The following BOLL variants were observed in gnomAD, a reference collection of about 807,000 sequenced individuals.
BOLL encodes boule RNA binding protein, also known as protein boule-like.
A neutral mutation model predicts 44.4 loss-of-function variants in BOLL; 23 were observed. The ratio of observed to expected loss-of-function variants is 0.52; its 90% CI spans 0.37 to 0.73. BOLL has a LOEUF of 0.73. Ranked by LOEUF, BOLL falls within the 30% of genes least tolerant of loss-of-function variation. The pLI, the probability that BOLL is intolerant of heterozygous loss-of-function variation, is 0.00. For missense variants in BOLL, 287 were observed against 338.3 expected, an observed-to-expected ratio of 0.85 and a Z score of 1.19; for synonymous variants, 97 against 110.8, an observed-to-expected ratio of 0.88 and a Z score of 0.78.
chr2:197,785,876 G>C (rs550287907), upstream of BOLL: 1 of 950,086 alleles, frequency 1.1e-6, no homozygotes, highest in Non-Finnish European at 1.7e-6. The surrounding 1 kb of genome is among the most constrained non-coding windows in gnomAD (Gnocchi z 6.7). Flanking sequence ...ACCAGATAGC[G>C]AGCGTTTGGG....
In BOLL at chr2:197,754,280, TATA is replaced by T. The variant is rs1688400154; in HGVS notation, c.729+2145_729+2147del. Among the ~76,000 whole-genome samples, 4 of 151,776 alleles carry T rather than the reference TATA, an allele frequency of 2.6e-5. No individual in the cohort carries two copies. The East Asian group carries it at 7.7e-4, about 29-fold the overall frequency. ...TGCATATGTATCCCAGAATGTAAAGTATAATAAAAAAAAATGGTCCTGGGAAAA... is the reference window on the plus strand; with the variant it reads ...TGCATATGTATCCCAGAATGTAAAGTATAAAAAAAAATGGTCCTGGGAAAA... On this transcript the variant is annotated intron_variant, in intron 9 of 10. Transcript: ENST00000392296.
intron 1 of BOLL, among the ~76,000 whole-genome samples, chr2:197,783,503 G>T (rs956431961): frequency 6.6e-6 from 1 of 152,140 alleles, no homozygotes; most frequent in Admixed American, 6.5e-5. Context: ...TGGCAATTGG[G>T]CTATAGGCTG....
chr2:197,744,832 A>T (rs1016318418), intron 9 of BOLL, among the ~76,000 whole-genome samples: 1 of 152,230 alleles, frequency 6.6e-6, no homozygotes, highest in Non-Finnish European at 1.5e-5. Context: ...AGGGTTAAGC[A>T]ATTCCTCAAA....
Position 197,759,055 on chromosome 2 carries a change from A to G in BOLL, c.553-1655T>C, listed in dbSNP as rs563767555. The G allele has an allele frequency of 2.5e-4, 354 of 1,428,282 alleles. No individual in the cohort carries two copies. The African/African-American group carries it at 4.8e-3, about 19-fold the overall frequency. The allele number at this position is 1,428,282 out of a possible 1,614,324, so 88.5% of individuals were successfully genotyped here. On this transcript the variant is annotated intron_variant, in intron 7 of 10. Transcript: ENST00000392296. The stretch of plus-strand genomic sequence containing the variant: ...ATGTCAGCAAGATGGCTGACCAGAG[A>G]TGCCTAGCATTCATTTTCCACTGGC...
chr2:197,768,381 A>C (rs1689091055), intron 6 of BOLL, among the ~76,000 whole-genome samples: 1 of 152,000 alleles, frequency 6.6e-6, no homozygotes, highest in Admixed American at 6.6e-5. Flanking sequence ...ACTGAATTAA[A>C]AAATTTATAC....
chr2:197,752,704 A>G (rs1688317631), intron 9 of BOLL, among the ~76,000 whole-genome samples: 1 of 152,234 alleles, frequency 6.6e-6, no homozygotes. Context: ...GGAAGAATCA[A>G]TATTGTGAAA....
chr2:197,776,983 G>T, intron 4 of BOLL, 76 bp downstream of exon 4: 1 of 1,153,192 alleles, frequency 8.7e-7, no homozygotes, highest in Non-Finnish European at 1.2e-6. Context: ...GTTGATTATT[G>T]TATTTGAACC....
Position 197,743,160 on chromosome 2 carries a change from C to G in BOLL, c.730-1G>C, listed in dbSNP as rs767604523. 1.5e-5 allele frequency: 24 copies of G among 1,569,952 alleles called. No homozygotes were observed. Among genetic ancestry groups the G allele is most frequent in the East Asian group, 2.3e-5 (1 of 43,646 alleles). ...CTTGAACTCCATGATCAGAATAAGG[C>G]TATTACAAAAAAAGAGAGAAAAAAT... On this transcript the variant is annotated splice_acceptor_variant, in intron 9 of 10. Transcript: ENST00000392296. LOFTEE classifies it high-confidence loss of function.
intron 5 of BOLL, chr2:197,774,945 C>A (rs532430519): frequency 6.6e-6 from 1 of 151,866 alleles, no homozygotes; most frequent in South Asian, 2.1e-4. Flanking sequence ...ATATAATAAC[C>A]TAATGTTTTA....
chr2:197,754,413 T>C (rs972408848), intron 9 of BOLL, among the ~76,000 whole-genome samples: 4 of 151,940 alleles, frequency 2.6e-5, no homozygotes, highest in African/African-American at 7.3e-5. Flanking sequence ...CCCGAAACTA[T>C]AGAAACCACA....
upstream of BOLL, chr2:197,785,902 C>G: frequency 8.1e-7 from 1 of 1,232,480 alleles, no homozygotes. This position sits in a 1 kb window ranked among gnomAD's most constrained non-coding sequence, Gnocchi z 6.7. Flanking sequence ...CACCTCGCCC[C>G]TCCAAGCCCT....
At chr2:197,759,528 G>C (rs1688660342) in intron 7 of BOLL, among the ~76,000 whole-genome samples, 1 of 152,094 alleles carries the variant, frequency 6.6e-6, no homozygotes, top group African/African-American at 2.4e-5. Flanking sequence ...CATCTCTAGG[G>C]GGCCAGTAGC....
upstream of BOLL, chr2:197,786,065 TTCA>T: frequency 6.3e-7 from 1 of 1,584,950 alleles, no homozygotes; most frequent in Non-Finnish European, 8.6e-7. The surrounding 1 kb of genome is among the most constrained non-coding windows in gnomAD (Gnocchi z 5.9). Context: ...TGAAACCACC[TTCA>T]CGCCAAGGCA....
chr2:197,757,170 C>G (rs543400031), intron 8 of BOLL, among the ~76,000 whole-genome samples, 183 bp downstream of exon 8: 1 of 152,058 alleles, frequency 6.6e-6, no homozygotes, highest in South Asian at 2.1e-4. Context: ...AGGAAACTTA[C>G]AAAGGTATAG....
chr2:197,733,646 G>A (rs1489931965), intron 10 of BOLL, among the ~76,000 whole-genome samples: 1 of 152,134 alleles, frequency 6.6e-6, no homozygotes, highest in Admixed American at 6.5e-5. Flanking sequence ...AGAGCCCTCA[G>A]AAATAATGCC....
At chr2:197,775,220 C>T (rs1689454108) in intron 5 of BOLL, among the ~76,000 whole-genome samples, 1 of 151,916 alleles carries the variant, frequency 6.6e-6, no homozygotes, top group South Asian at 2.1e-4. Flanking sequence ...AATTATGACA[C>T]ACCTGGCTGG....
chr2:197,774,740 A>G (rs1290356197), intron 5 of BOLL: 1 of 151,926 alleles, frequency 6.6e-6, no homozygotes, highest in Non-Finnish European at 1.5e-5. Flanking sequence ...AGTGCATTCC[A>G]TTTTGTATTA....
intron 3 of BOLL, 112 bp downstream of exon 3, chr2:197,778,863 G>T: frequency 1.3e-6 from 1 of 771,624 alleles, no homozygotes; most frequent in Non-Finnish European, 2.1e-6. Flanking sequence ...GAAAGAAGAG[G>T]GCATGATGGT....
chr2:197,776,628 A>G (rs1182698274), intron 4 of BOLL, among the ~76,000 whole-genome samples: 1 of 151,982 alleles, frequency 6.6e-6, no homozygotes, highest in Non-Finnish European at 1.5e-5. Flanking sequence ...TAAAAAAGTT[A>G]AATGTTATAT....
Sources: allele counts gnomAD v4.1 joint callset (sites outside exome capture counted in the v4.1 genomes callset), GRCh38; gene constraint gnomAD v4.1.1; non-coding constraint Gnocchi (gnomAD v3.1); transcripts MANE v1.5; gene names NCBI Gene and HGNC (gene_info 2026-07-23, HGNC 2026-07-21).